Variants in TES observed in about 807,000 individuals in gnomAD.
TES encodes the protein testin.
In TES, 41 loss-of-function variants were observed where a neutral mutation model predicts 48.2. That is an observed-to-expected ratio of 0.85 (90% CI 0.66 to 1.10). TES has a LOEUF of 1.10. Ranked by LOEUF, TES falls within the 50% of genes least tolerant of loss-of-function variation. The pLI is 0.00. For missense variants in TES, 463 were observed against 515.1 expected (o/e 0.90, Z 0.98); for synonymous variants, 162 against 174.9 (o/e 0.93, Z 0.58).
chr7:116,243,581 C>T (rs191884439), intron 2 of TES, among the ~76,000 whole-genome samples: 58 of 152,290 alleles, frequency 3.8e-4, no homozygotes, highest in African/African-American at 1.3e-3. Context: ...TCTGTGATAT[C>T]TTTACCTTGT....
intron 2 of TES, among the ~76,000 whole-genome samples, chr7:116,235,324 A>C (rs1170909229): frequency 6.6e-6 from 1 of 152,236 alleles, no homozygotes; most frequent in Non-Finnish European, 1.5e-5. Context: ...TTCCGTAAAC[A>C]AATATGAATA....
chr7:116,251,216 C>G (rs1291730230), intron 4 of TES, among the ~76,000 whole-genome samples: 4 of 152,022 alleles, frequency 2.6e-5, no homozygotes, highest in African/African-American at 9.7e-5. Context: ...GGAAATAATG[C>G]CTGTTACACA....
chr7:116,249,170 A>G lies in TES; in HGVS notation c.264A>G (p.Lys88=), dbSNP rs1799966897. Residue 88 remains lysine, a synonymous_variant, in exon 3 of 7, where the codon AAA becomes AAG. Transcript: ENST00000358204. Reference sequence around the variant, plus strand: ...AGTCAGATGGAATTCCCATGTATAAACGCAATGTTATGATATTGACGAATC... The same window carrying G: ...AGTCAGATGGAATTCCCATGTATAAGCGCAATGTTATGATATTGACGAATC... ...KLKSDGIPMY[K]RNVMILTNPV... is the part of the protein sequence containing the mutation. The G allele has an allele frequency of 5.0e-6, 8 of 1,614,082 alleles. No individual in the cohort carries two copies. The highest frequency in any genetic ancestry group is 1.7e-4 in the Middle Eastern group (1 of 6,060).
At chr7:116,235,264 TAATTA>T (rs1799754487) in intron 2 of TES, among the ~76,000 whole-genome samples, 1 of 152,222 alleles carries the variant, frequency 6.6e-6, no homozygotes, top group African/African-American at 2.4e-5. Flanking sequence ...TTTAATAATT[TAATTA>T]TTCTCTTCTT....
intron 6 of TES, among the ~76,000 whole-genome samples, chr7:116,256,763 A>G (rs942108099): frequency 6.6e-6 from 1 of 152,246 alleles, no homozygotes; most frequent in Non-Finnish European, 1.5e-5. Flanking sequence ...ACTACAAGTT[A>G]TATTTTTAGT....
rs373316460 is a variant in TES, at chr7:116,252,305, A to G, written c.919-13A>G. 4 of 1,592,454 alleles carry G rather than the reference A, an allele frequency of 2.5e-6. No homozygotes were observed. Among genetic ancestry groups the G allele is most frequent in the African/African-American group, 2.7e-5 (2 of 74,274 alleles). On this transcript the variant is annotated splice_polypyrimidine_tract_variant and intron_variant, in intron 5 of 6. Transcript: ENST00000358204. The stretch of plus-strand genomic sequence containing the variant: ...TATATAAAAATCCATCTTTATTTTT[A>G]TCTTCTTCCTAGCTGATATTCAGCA...
chr7:116,251,574 T>C, intron 4 of TES, 186 bp from the exon 5 acceptor site: 1 of 582,054 alleles, frequency 1.7e-6, no homozygotes, highest in Non-Finnish European at 3.1e-6. Context: ...TCCCAGCTAC[T>C]CGGGAGGCTG....
At chr7:116,253,490 G>A (rs1800048589) in intron 6 of TES, among the ~76,000 whole-genome samples, 1 of 151,392 alleles carries the variant, frequency 6.6e-6, no homozygotes, top group African/African-American at 2.4e-5. Flanking sequence ...CATTCATCTT[G>A]CTCAAAAGCT....
chr7:116,236,579 A>G (rs1467035823), intron 2 of TES, among the ~76,000 whole-genome samples: 2 of 152,158 alleles, frequency 1.3e-5, no homozygotes, highest in Admixed American at 6.6e-5. Context: ...TTACTTGTGA[A>G]ACATTTTGGG....
intron 1 of TES, among the ~76,000 whole-genome samples, chr7:116,219,361 C>T (rs982480165): frequency 6.6e-6 from 1 of 152,106 alleles, no homozygotes; most frequent in Non-Finnish European, 1.5e-5. Context: ...TAGTATAAGA[C>T]CCTAGCCCAC....
intron 2 of TES, among the ~76,000 whole-genome samples, chr7:116,236,991 T>G (rs909180102): frequency 2.0e-5 from 3 of 152,322 alleles, no homozygotes; most frequent in African/African-American, 7.2e-5. Context: ...TCTCTCAGAA[T>G]TCTTGATAAT....
At chr7:116,237,736 C>T (rs973101136) in intron 2 of TES, among the ~76,000 whole-genome samples, 17 of 152,200 alleles carry the variant, frequency 1.1e-4, no homozygotes, top group South Asian at 8.3e-4. Flanking sequence ...CTGGAAAGTT[C>T]GAGATCAGGT....
intron 2 of TES, among the ~76,000 whole-genome samples, chr7:116,235,258 A>G (rs1033358403): frequency 1.3e-5 from 2 of 152,138 alleles, no homozygotes; most frequent in African/African-American, 4.8e-5. Flanking sequence ...GCCCTGTTTA[A>G]TAATTTAATT....
intron 1 of TES, among the ~76,000 whole-genome samples, chr7:116,217,335 T>C (rs529773682): frequency 7.9e-5 from 12 of 152,130 alleles, no homozygotes; most frequent in Non-Finnish European, 1.5e-4. Context: ...AGATTATGAA[T>C]GCATAAAGCT....
At position 116,249,048 on chromosome 7, in the gene TES, CAAG is replaced by C; in HGVS notation, c.147_149del (p.Glu50del). On this transcript the variant is annotated inframe_deletion, in exon 3 of 7. Transcript: ENST00000358204. ...AATATGTCGTAACTGCAAGTGTGGCCAAGAAGAGCATGATGTCCTCTTGAGCAA... is the reference window on the plus strand; with the variant it reads ...AATATGTCGTAACTGCAAGTGTGGCCAAGAGCATGATGTCCTCTTGAGCAA... 1 of 1,608,420 alleles carries C rather than the reference CAAG, an allele frequency of 6.2e-7. No individual in the cohort carries two copies. The highest frequency in any genetic ancestry group is 8.5e-7 in the Non-Finnish European group (1 of 1,176,204).
chr7:116,210,926 C>A, intron 1 of TES, 192 bp downstream of exon 1: 1 of 394,992 alleles, frequency 2.5e-6, no homozygotes, highest in Non-Finnish European at 4.4e-6. Context: ...CCGCCAGCTC[C>A]CCACACTCGG....
At position 116,257,637 on chromosome 7, in the gene TES, A is replaced by T; in HGVS notation, c.*155A>T. On this transcript the variant is annotated 3_prime_UTR_variant, in exon 7 of 7. Transcript: ENST00000358204. ...TTTTTTTGGCCATTTTTTCTTCATC[A>T]ATTTTTTTTCGGTCTCAACTTTTAA... 1.5e-6 allele frequency: 1 copy of T among 674,266 alleles called. No homozygotes were observed. The highest frequency in any genetic ancestry group is 2.2e-6 in the Non-Finnish European group (1 of 461,946). The allele number at this position is 674,266 out of a possible 1,614,324, so 41.8% of individuals were successfully genotyped here. A position where few individuals can be genotyped will look rare whatever the true frequency, so the allele number is the denominator to read the frequency against.
Position 116,251,115 on chromosome 7 carries a change from T to G in TES, c.702+619T>G, listed in dbSNP as rs551340645. ...AGGCTTAGTCCTGAAAAAAGAGCAC[T>G]AATAAGCCCTGAGGTGATAGTTTTA... On this transcript the variant is annotated intron_variant, in intron 4 of 6. Coordinates refer to ENST00000358204, the MANE Select transcript of TES (RefSeq NM_015641.4). Among the ~76,000 whole-genome samples the G allele has an allele frequency of 7.9e-5, 12 of 152,270 alleles. No homozygotes were observed. In the South Asian group the frequency reaches 2.5e-3, roughly 32 times the overall value.
intron 2 of TES, among the ~76,000 whole-genome samples, chr7:116,240,930 C>T (rs112331111): frequency 3.3e-5 from 5 of 152,228 alleles, no homozygotes; most frequent in African/African-American, 9.6e-5. Context: ...ATCCACACAC[C>T]GTGCAAACAG....
Sources: allele counts gnomAD v4.1 joint callset (sites outside exome capture counted in the v4.1 genomes callset), GRCh38; gene constraint gnomAD v4.1.1; transcripts MANE v1.5; gene names NCBI Gene and HGNC (gene_info 2026-07-23, HGNC 2026-07-21).